The following FBXO11 variants were observed in gnomAD, a reference collection of about 807,000 sequenced individuals.
The protein encoded by FBXO11 is F-box only protein 11.
A neutral mutation model predicts 117.0 loss-of-function variants in FBXO11; 13 were observed. The ratio of observed to expected loss-of-function variants is 0.11; its 90% CI spans 0.07 to 0.18. FBXO11 has a LOEUF of 0.18. FBXO11 is among the 10% of genes least tolerant of loss of function. The probability of loss-of-function intolerance (pLI) is 1.00; values close to 1 mark genes in which losing one functional copy is unlikely to be tolerated. For synonymous variants in FBXO11, 490 were observed against 380.5 expected (o/e 1.29, Z -3.35); for missense variants, 767 against 1,164.4 (o/e 0.66, Z 4.97).
chr2:47,819,602 C>T (rs1671240380), intron 14 of FBXO11, among the ~76,000 whole-genome samples: 1 of 152,146 alleles, frequency 6.6e-6, no homozygotes, highest in Non-Finnish European at 1.5e-5. Context: ...TTTAATATCA[C>T]AGTAATAGTA....
In FBXO11 at chr2:47,861,022, G is replaced by C. The variant is rs182009190; in HGVS notation, c.233-21253C>G. 2.7e-3 allele frequency among the ~76,000 whole-genome samples: 417 copies of C among 151,762 alleles called. 1 individual carries two copies. Among genetic ancestry groups the C allele is most frequent in the Middle Eastern group, 6.8e-3 (2 of 292 alleles). On this transcript the variant is annotated intron_variant, in intron 1 of 22. Coordinates refer to ENST00000403359, the MANE Select transcript of FBXO11 (RefSeq NM_001190274.2). ...AAAGTCACTACGTCCAGCTAAGTTT[G>C]TATTTTTAGTAGAGATGGGGTTTCT...
intron 1 of FBXO11, among the ~76,000 whole-genome samples, chr2:47,851,502 C>T (rs1178576869): frequency 1.3e-5 from 2 of 152,200 alleles, no homozygotes; most frequent in African/African-American, 2.4e-5. Flanking sequence ...GCTGGGATTA[C>T]AGGTGTGAGC....
chr2:47,842,570 A>G (rs1673097103), intron 1 of FBXO11, among the ~76,000 whole-genome samples: 1 of 152,098 alleles, frequency 6.6e-6, no homozygotes, highest in African/African-American at 2.4e-5. Flanking sequence ...GTAAATTAAC[A>G]TTTTTAAGCC....
rs199713192 is a variant in FBXO11, at chr2:47,839,023, T to C, written c.443-20A>G. On this transcript the variant is annotated intron_variant, in intron 3 of 22. Coordinates refer to ENST00000403359, the MANE Select transcript of FBXO11 (RefSeq NM_001190274.2). ...GTGCTGCTATAAAGAGATTAACATATAAACTATCATTCGAGCAATAACTTT... is the reference window on the plus strand; with the variant it reads ...GTGCTGCTATAAAGAGATTAACATACAAACTATCATTCGAGCAATAACTTT... 8.0e-4 allele frequency: 1,270 copies of C among 1,591,316 alleles called. 8 individuals are homozygous for C. Among genetic ancestry groups the C allele is most frequent in the South Asian group, 7.3e-3 (626 of 86,140 alleles).
At chr2:47,878,407 G>C (rs559655575) in intron 1 of FBXO11, among the ~76,000 whole-genome samples, 1 of 151,660 alleles carries the variant, frequency 6.6e-6, no homozygotes, top group Non-Finnish European at 1.5e-5. Context: ...ACCCAGGCTG[G>C]AGTGCAGTAG....
intron 1 of FBXO11, among the ~76,000 whole-genome samples, chr2:47,900,633 CACGT>C (rs1215730463): frequency 5.5e-5 from 2 of 36,296 alleles, no homozygotes; most frequent in South Asian, 1.2e-3. Flanking sequence ...CGTATACACA[CACGT>C]ACGTATATAC....
chr2:47,859,703 G>A (rs551672067), intron 1 of FBXO11, among the ~76,000 whole-genome samples: 1 of 152,256 alleles, frequency 6.6e-6, no homozygotes, highest in Admixed American at 6.5e-5. Flanking sequence ...CACTGAAACA[G>A]AATTTTAACT....
intron 18 of FBXO11, among the ~76,000 whole-genome samples, chr2:47,812,006 A>G (rs1005808078): frequency 2.9e-5 from 4 of 135,804 alleles, no homozygotes; most frequent in African/African-American, 1.1e-4. Flanking sequence ...CTCATTATTT[A>G]TTGCCTGAGT....
intron 1 of FBXO11, among the ~76,000 whole-genome samples, chr2:47,900,804 G>A (rs1321471222): frequency 1.6e-5 from 1 of 60,650 alleles, no homozygotes; most frequent in Non-Finnish European, 3.5e-5. Flanking sequence ...ATATATACAC[G>A]TATACACACA....
At chr2:47,828,925 T>A (rs1369263235) in intron 11 of FBXO11, among the ~76,000 whole-genome samples, 1 of 152,184 alleles carries the variant, frequency 6.6e-6, no homozygotes, top group Non-Finnish European at 1.5e-5. Flanking sequence ...AATTTTTTTA[T>A]TTTTTTGACA....
chr2:47,828,536 A>G (rs1301767392), intron 11 of FBXO11, among the ~76,000 whole-genome samples: 2 of 151,674 alleles, frequency 1.3e-5, no homozygotes, highest in Admixed American at 1.3e-4. Context: ...TGAAGCCTGG[A>G]AGGTGGAGGT....
intron 1 of FBXO11, among the ~76,000 whole-genome samples, chr2:47,874,153 G>T (rs1675826444): frequency 6.6e-6 from 1 of 152,130 alleles, no homozygotes; most frequent in Admixed American, 6.5e-5. Context: ...GGCGGAGCTT[G>T]CTGTGAGCAG....
rs373208804 is a variant in FBXO11, at chr2:47,835,898, G to C, written c.691C>G (p.Pro231Ala). Reference protein sequence around the residue: ...INPEEYEHPNPWKESFQQLYK... With the variant: ...INPEEYEHPNAWKESFQQLYK... The stretch of plus-strand genomic sequence containing the variant: ...AACTGCTGGAAACTCTCTTTCCAGG[G>C]ATTTGGATGTTCATACTCTTCTGGA... The change falls in exon 5 of 23, where the codon CCC becomes GCC. Residue 231 changes from proline to alanine, a missense_variant. By Grantham distance (27) the Pro-to-Ala change is conservative. Around this residue, in one of 10 missense-constraint regions of FBXO11, gnomAD observed 355 missense variants for 299.8 expected, o/e 1.18. Coordinates refer to ENST00000403359, the MANE Select transcript of FBXO11 (RefSeq NM_001190274.2). 6.2e-7 allele frequency: 1 copy of C among 1,609,862 alleles called. No individual in the cohort carries two copies. The highest frequency in any genetic ancestry group is 8.5e-7 in the Non-Finnish European group (1 of 1,177,104).
At chr2:47,832,220 T>A (rs1672248928) in intron 11 of FBXO11, 129 bp downstream of exon 11, 1 of 661,208 alleles carries the variant, frequency 1.5e-6, no homozygotes, top group Non-Finnish European at 2.4e-6. Flanking sequence ...TAAAAAATAA[T>A]GCTGAAATTG....
intron 5 of FBXO11, 70 bp from the exon 6 acceptor site, chr2:47,834,941 T>G (rs768737612): frequency 2.9e-6 from 3 of 1,038,308 alleles, no homozygotes; most frequent in East Asian, 4.9e-5. Context: ...TAATGTACAA[T>G]TGCATGAACA....
chr2:47,889,599 ATTC>A (rs1456576426), intron 1 of FBXO11, among the ~76,000 whole-genome samples: 1 of 151,112 alleles, frequency 6.6e-6, no homozygotes, highest in Non-Finnish European at 1.5e-5. Context: ...TCCCAAACAC[ATTC>A]TTCTTAGAAA....
intron 1 of FBXO11, among the ~76,000 whole-genome samples, chr2:47,895,942 G>A (rs546665737): frequency 3.9e-5 from 6 of 152,226 alleles, no homozygotes; most frequent in African/African-American, 9.6e-5. Flanking sequence ...TGATCCACTC[G>A]CCTCAGCCTC....
intron 1 of FBXO11, among the ~76,000 whole-genome samples, chr2:47,856,128 C>T (rs1447096267): frequency 6.6e-6 from 1 of 152,068 alleles, no homozygotes; most frequent in Non-Finnish European, 1.5e-5. Flanking sequence ...GAAAAACAAA[C>T]AAAAACCTCA....
chr2:47,898,307 T>C (rs1677831338), intron 1 of FBXO11, among the ~76,000 whole-genome samples: 1 of 152,232 alleles, frequency 6.6e-6, no homozygotes, highest in African/African-American at 2.4e-5. Flanking sequence ...GGATTAAGTT[T>C]AAGCACATTT....
Sources: gnomAD v4.1 joint callset for allele counts (sites outside exome capture counted in the v4.1 genomes callset) on GRCh38, gnomAD v4.1.1 for gene constraint, gnomAD v4.1.1 regional missense constraint, MANE v1.5 for transcripts, NCBI Gene and HGNC (gene_info 2026-07-23, HGNC 2026-07-21) for gene names.